CNIH3: variants seen among roughly 807,000 people sequenced by gnomAD.
CNIH3 encodes protein cornichon homolog 3.
CNIH3 carries 14 observed loss-of-function variants against 24.1 expected under a neutral mutation model. The observed-to-expected ratio is 0.58, with a 90% confidence interval of 0.38 to 0.91. The LOEUF (loss-of-function observed/expected upper bound fraction) is 0.91. Among genes scored for constraint, CNIH3 ranks in the 40% least tolerant of loss-of-function variants. CNIH3 has a pLI of 0.00. For missense variants in CNIH3, 178 were observed against 196.8 expected (o/e 0.90, Z 0.57); for synonymous variants, 68 against 73.8 (o/e 0.92, Z 0.40).
intron 1 of CNIH3, among the ~76,000 whole-genome samples, chr1:224,464,136 T>C (rs538388341): frequency 6.6e-6 from 1 of 152,276 alleles, no homozygotes; most frequent in East Asian, 1.9e-4. Context: ...AGCTTAACCT[T>C]TAAATTTTGA....
At chr1:224,471,407 A>C (rs565395150) in intron 1 of CNIH3, among the ~76,000 whole-genome samples, 3 of 151,522 alleles carry the variant, frequency 2.0e-5, no homozygotes, top group Admixed American at 2.0e-4. Context: ...CTCCCCCACT[A>C]CCCTTCCCAG....
At chr1:224,608,615 G>C (rs896311394) in intron 3 of CNIH3, among the ~76,000 whole-genome samples, 1 of 152,222 alleles carries the variant, frequency 6.6e-6, no homozygotes, top group African/African-American at 2.4e-5. Flanking sequence ...GTCAGGGGTC[G>C]ATCTTTAACC....
intron 3 of CNIH3, chr1:224,719,135 G>A (rs1688584007): frequency 6.6e-6 from 1 of 152,196 alleles, no homozygotes; most frequent in African/African-American, 2.4e-5. Flanking sequence ...TGGAGAGTTT[G>A]CTGAGCACCT....
At chr1:224,693,681 A>G (rs573393825) in intron 3 of CNIH3, among the ~76,000 whole-genome samples, 1 of 152,172 alleles carries the variant, frequency 6.6e-6, no homozygotes, top group Non-Finnish European at 1.5e-5. Context: ...GGGGACTACA[A>G]AGTTAGGGGC....
At chr1:224,460,051 A>G (rs374977390) in intron 1 of CNIH3, among the ~76,000 whole-genome samples, 2 of 151,742 alleles carry the variant, frequency 1.3e-5, no homozygotes, top group South Asian at 2.1e-4. Flanking sequence ...TAACTTTTGT[A>G]CTTTTTGTAG....
At position 224,652,790 on chromosome 1, in the gene CNIH3, T is replaced by C. The variant is rs183641839; in HGVS notation, c.82-28168T>C. 2.1e-3 allele frequency among the ~76,000 whole-genome samples: 315 copies of C among 152,310 alleles called. 1 individual carries two copies. The highest frequency in any genetic ancestry group is 7.0e-3 in the African/African-American group (293 of 41,586). On this transcript the variant is annotated intron_variant, in intron 1 of 5. Transcript: ENST00000272133. ...AAAACTAAATCCAGGTTGCACGAATTGGTGGGGCTGAGGCTGCTAATGGGT... is the reference window on the plus strand; with the variant it reads ...AAAACTAAATCCAGGTTGCACGAATCGGTGGGGCTGAGGCTGCTAATGGGT...
chr1:224,680,293 A>G (rs766344315), intron 1 of CNIH3, among the ~76,000 whole-genome samples: 1 of 152,124 alleles, frequency 6.6e-6, no homozygotes, highest in African/African-American at 2.4e-5. Flanking sequence ...GCCGTGCCTC[A>G]TTCTGTGACT....
At chr1:224,546,795 C>A (rs1679720259) in intron 2 of CNIH3, 2 of 577,628 alleles carry the variant, frequency 3.5e-6, no homozygotes, top group African/African-American at 2.0e-5. Flanking sequence ...CAAATAAAAC[C>A]ATTCAAGTCT....
chr1:224,716,511 C>T (rs967669356), intron 3 of CNIH3, among the ~76,000 whole-genome samples: 1 of 152,132 alleles, frequency 6.6e-6, no homozygotes, highest in African/African-American at 2.4e-5. Flanking sequence ...CTGTTACTTG[C>T]TGTGTCACTT....
intron 1 of CNIH3, among the ~76,000 whole-genome samples, chr1:224,619,536 C>CA (rs1269532580): frequency 6.6e-6 from 1 of 152,206 alleles, no homozygotes; most frequent in Non-Finnish European, 1.5e-5. Context: ...CTCTCCAAAT[C>CA]AAACAACCCA....
chr1:224,556,608 C>T (rs555624162), intron 3 of CNIH3, among the ~76,000 whole-genome samples: 409 of 152,290 alleles, frequency 2.7e-3, no homozygotes, highest in African/African-American at 9.4e-3. Flanking sequence ...CACTTCAGAT[C>T]ATCAGGCGTT....
chr1:224,575,290 A>G (rs560997366), intron 4 of CNIH3: 3 of 1,068,632 alleles, frequency 2.8e-6, no homozygotes, highest in East Asian at 2.4e-5. Context: ...CTGAACAGCC[A>G]GGATATGACC....
intron 5 of CNIH3, among the ~76,000 whole-genome samples, chr1:224,584,169 A>G (rs554053997): frequency 6.6e-6 from 1 of 152,338 alleles, no homozygotes; most frequent in South Asian, 2.1e-4. Flanking sequence ...AAGCTATTTT[A>G]TTATAAATCT....
intron 3 of CNIH3, among the ~76,000 whole-genome samples, chr1:224,705,620 C>A (rs1430279383): frequency 6.6e-6 from 1 of 152,180 alleles, no homozygotes. Context: ...GCTTGAGCAA[C>A]CTCACAGAGG....
chr1:224,623,148 T>C (rs1431883771), intron 1 of CNIH3, among the ~76,000 whole-genome samples: 3 of 152,096 alleles, frequency 2.0e-5, no homozygotes, highest in African/African-American at 7.2e-5. Flanking sequence ...TGGACCTGCC[T>C]CTGCAGTGAG....
chr1:224,442,165 T>C (rs765105641), intron 1 of CNIH3, among the ~76,000 whole-genome samples: 14 of 151,934 alleles, frequency 9.2e-5, no homozygotes, highest in Non-Finnish European at 2.1e-4. Context: ...ACCACAGGCA[T>C]GCACTACCAC....
intron 1 of CNIH3, among the ~76,000 whole-genome samples, chr1:224,447,866 G>C (rs1226293656): frequency 6.6e-6 from 1 of 152,232 alleles, no homozygotes; most frequent in Non-Finnish European, 1.5e-5. Flanking sequence ...AGGTAGGCTA[G>C]AGGTTAGTTA....
At chr1:224,653,537 A>C (rs191473378) in intron 1 of CNIH3, among the ~76,000 whole-genome samples, 1 of 152,230 alleles carries the variant, frequency 6.6e-6, no homozygotes, top group East Asian at 1.9e-4. Context: ...GATGAGGAGC[A>C]ATGGAGTTTT....
intron 3 of CNIH3, among the ~76,000 whole-genome samples, chr1:224,556,668 C>T (rs1205484850): frequency 2.6e-5 from 4 of 152,300 alleles, no homozygotes; most frequent in South Asian, 2.1e-4. Context: ...GCGCAGTTCA[C>T]GAAAGGATTC....
Sources: allele counts gnomAD v4.1 joint callset (sites outside exome capture counted in the v4.1 genomes callset), GRCh38; gene constraint gnomAD v4.1.1; transcripts MANE v1.5; gene names NCBI Gene and HGNC (gene_info 2026-07-23, HGNC 2026-07-21).